PDE11A: variants seen among roughly 807,000 people sequenced by gnomAD.
PDE11A encodes the protein phosphodiesterase 11A, also known as dual 3',5'-cyclic-AMP and -GMP phosphodiesterase 11A.
PDE11A carries 100 observed loss-of-function variants against 100.5 expected under a neutral mutation model. That is an observed-to-expected ratio of 1.00 (90% confidence interval 0.85 to 1.18). PDE11A has a LOEUF of 1.18. Among genes scored for constraint, PDE11A ranks in the 50% most tolerant of loss-of-function variants. The pLI is 0.00. For missense variants in PDE11A, 1,141 were observed against 1,152.6 expected (o/e 0.99, Z 0.15); for synonymous variants, 381 against 420.8 (o/e 0.91, Z 1.16).
At chr2:178,048,272 G>A (rs893965683) in intron 1 of PDE11A, among the ~76,000 whole-genome samples, 2 of 152,158 alleles carry the variant, frequency 1.3e-5, no homozygotes, top group African/African-American at 4.8e-5. Flanking sequence ...TAACACCTAG[G>A]GTTCTGGCTT....
chr2:178,102,916 C>T (rs543790650), intron 2 of PDE11A, among the ~76,000 whole-genome samples: 3 of 151,988 alleles, frequency 2.0e-5, no homozygotes, highest in Admixed American at 2.0e-4. Flanking sequence ...TGATTGGTGT[C>T]CTTATGAATA....
At chr2:177,999,334 T>C (rs1360965307) in intron 2 of PDE11A, among the ~76,000 whole-genome samples, 1 of 152,222 alleles carries the variant, frequency 6.6e-6, no homozygotes, top group East Asian at 1.9e-4. Context: ...GGAGAATAAC[T>C]GAAGACTTAT....
At chr2:177,834,467 T>C (rs1258608914) in intron 6 of PDE11A, among the ~76,000 whole-genome samples, 1 of 152,190 alleles carries the variant, frequency 6.6e-6, no homozygotes, top group Non-Finnish European at 1.5e-5. Flanking sequence ...TTTACAATAT[T>C]AGGGGTGTTT....
intron 10 of PDE11A, among the ~76,000 whole-genome samples, chr2:177,755,036 G>C (rs1230332181): frequency 6.6e-6 from 1 of 152,242 alleles, no homozygotes; most frequent in Non-Finnish European, 1.5e-5. Flanking sequence ...GGTTGATCCA[G>C]TTGCAGGGGG....
At chr2:177,848,670 T>C (rs998905218) in intron 5 of PDE11A, among the ~76,000 whole-genome samples, 5 of 152,132 alleles carry the variant, frequency 3.3e-5, no homozygotes, top group Non-Finnish European at 5.9e-5. Flanking sequence ...AGAAAACACG[T>C]AATTCCTGAA....
At chr2:177,655,519 C>T (rs971600663) in intron 19 of PDE11A, among the ~76,000 whole-genome samples, 3 of 152,050 alleles carry the variant, frequency 2.0e-5, no homozygotes, top group African/African-American at 7.3e-5. Flanking sequence ...CTGCCCAGCA[C>T]GTTCTTTTTT....
intron 1 of PDE11A, among the ~76,000 whole-genome samples, chr2:178,062,245 C>T (rs1451149925): frequency 2.0e-5 from 3 of 150,710 alleles, no homozygotes; most frequent in Non-Finnish European, 4.4e-5. Context: ...AAAAGGAGGG[C>T]TATGGCTAGG....
At chr2:177,910,677 C>T (rs955993978) in intron 2 of PDE11A, among the ~76,000 whole-genome samples, 19 of 152,220 alleles carry the variant, frequency 1.2e-4, no homozygotes, top group African/African-American at 4.6e-4. Flanking sequence ...ACATCCCACT[C>T]AGAAAGAGAG....
chr2:177,805,495 A>T (rs985391640), intron 9 of PDE11A, among the ~76,000 whole-genome samples: 1 of 152,168 alleles, frequency 6.6e-6, no homozygotes, highest in Non-Finnish European at 1.5e-5. Context: ...AAGCACAGAT[A>T]ACAACATTAA....
At chr2:177,722,847 A>G (rs1156373682) in intron 12 of PDE11A, among the ~76,000 whole-genome samples, 1 of 152,196 alleles carries the variant, frequency 6.6e-6, no homozygotes, top group Non-Finnish European at 1.5e-5. Flanking sequence ...TAAAGTAAAT[A>G]TAACAAGTTA....
intron 1 of PDE11A, among the ~76,000 whole-genome samples, chr2:178,030,877 T>C (rs566971545): frequency 2.6e-5 from 4 of 151,948 alleles, no homozygotes; most frequent in Non-Finnish European, 5.9e-5. Context: ...GAAGAAAATA[T>C]AAAAATATAG....
At chr2:177,889,155 A>G (rs1413266817) in intron 4 of PDE11A, among the ~76,000 whole-genome samples, 1 of 152,082 alleles carries the variant, frequency 6.6e-6, no homozygotes, top group African/African-American at 2.4e-5. Context: ...ATTGTCTATG[A>G]GTTTGGCTTT....
intron 9 of PDE11A, among the ~76,000 whole-genome samples, chr2:177,814,920 G>C (rs6715232): frequency 6.6e-6 from 1 of 151,880 alleles, no homozygotes; most frequent in African/African-American, 2.4e-5. Context: ...ATGCTGCAAC[G>C]CAGTTATTCT....
chr2:177,995,978 G>T (rs1188071024), intron 2 of PDE11A, among the ~76,000 whole-genome samples: 1 of 152,138 alleles, frequency 6.6e-6, no homozygotes, highest in Non-Finnish European at 1.5e-5. Flanking sequence ...TGTAATCCCA[G>T]CACTTTGGGA....
intron 2 of PDE11A, among the ~76,000 whole-genome samples, chr2:177,961,293 A>G (rs1197699687): frequency 7.9e-5 from 12 of 152,008 alleles, no homozygotes; most frequent in Admixed American, 7.2e-4. Context: ...ATCTCACCTA[A>G]GGCATGAAGC....
chr2:178,104,368 C>T, exon 2 of PDE11A: 3 of 1,614,018 alleles, frequency 1.9e-6, no homozygotes, highest in Non-Finnish European at 1.7e-6. Context: ...CCAAAGAGGC[C>T]CCAGAGATTT....
chr2:178,104,326 A>T (rs1316327502), exon 2 of PDE11A: 1 of 1,614,002 alleles, frequency 6.2e-7, no homozygotes, highest in East Asian at 2.2e-5. Flanking sequence ...GCCTCTGTAT[A>T]AGAAAATCCT....
chr2:177,868,242 T>C (rs1000749723), intron 5 of PDE11A, among the ~76,000 whole-genome samples: 2 of 152,152 alleles, frequency 1.3e-5, no homozygotes, highest in African/African-American at 4.8e-5. Flanking sequence ...GGCTGTCTCA[T>C]CTTAAAATTT....
chr2:177,650,231 C>T lies in PDE11A; in HGVS notation c.2646+13635G>A, dbSNP rs2080288224. 1.3e-5 allele frequency among the ~76,000 whole-genome samples: 2 copies of T among 152,134 alleles called. 1 individual carries two copies. The highest frequency in any genetic ancestry group is 4.1e-4 in the South Asian group (2 of 4,834). The stretch of plus-strand genomic sequence containing the variant: ...ATAGATTTTGAAAAACTCTTCAATC[C>T]CTATCAGTCTCATATCCTTATTTAG... On this transcript the variant is annotated intron_variant, in intron 19 of 19. Transcript: ENST00000286063.
Sources: gnomAD v4.1 joint callset for allele counts (sites outside exome capture counted in the v4.1 genomes callset) on GRCh38, gnomAD v4.1.1 for gene constraint, MANE v1.5 for transcripts, NCBI Gene and HGNC (gene_info 2026-07-23, HGNC 2026-07-21) for gene names.